The following STIM1 variants were observed in gnomAD, a reference collection of about 807,000 sequenced individuals.
The protein encoded by STIM1 is stromal interaction molecule 1.
A neutral mutation model predicts 74.7 loss-of-function variants in STIM1; 25 were observed. The observed-to-expected ratio is 0.33, with a 90% CI of 0.24 to 0.47. STIM1 has a LOEUF of 0.47. Among genes scored for constraint, STIM1 ranks in the 20% least tolerant of loss-of-function variants. STIM1 has a pLI of 1.00. For missense variants in STIM1, 728 were observed against 920.8 expected (o/e 0.79, Z 2.71); for synonymous variants, 328 against 348.8 (o/e 0.94, Z 0.66).
At chr11:3,987,804 GACACACACACACACACAC>G (rs55772228) in intron 2 of STIM1, among the ~76,000 whole-genome samples, 2 of 145,284 alleles carry the variant, frequency 1.4e-5, no homozygotes, top group Non-Finnish European at 3.0e-5. Flanking sequence ...TGTCCTTAAG[GACACACACACACACACAC>G]ACACACACAC....
chr11:4,091,513 C>G lies in STIM1; in HGVS notation c.1866C>G (p.Asp622Glu), dbSNP rs776241052. ...TACTGGCGCTGAACCATGGGCTGGA[C>G]AAGGCCCACAGCCTGATGGAGCTGA... ...KALLALNHGL[D>E]KAHSLMELSP... Residue 622 changes from aspartate to glutamate, a missense_variant, in exon 13 of 13, where the codon GAC (aspartate) becomes GAG (glutamate). By Grantham distance (45) the Asp-to-Glu change is conservative. Coordinates refer to ENST00000526596, the MANE Select transcript of STIM1 (RefSeq NM_001382567.1). The G allele has an allele frequency of 2.6e-5, 42 of 1,614,220 alleles. No homozygotes were observed. The highest frequency in any genetic ancestry group is 3.6e-5 in the Non-Finnish European group (42 of 1,180,036).
At chr11:3,987,777 C>A (rs1327428097) in intron 2 of STIM1, among the ~76,000 whole-genome samples, 2 of 151,220 alleles carry the variant, frequency 1.3e-5, no homozygotes, top group Non-Finnish European at 2.9e-5. Flanking sequence ...TAGTACAATA[C>A]TCTTAATAGG....
chr11:4,069,055 G>C (rs2094386875), intron 5 of STIM1, among the ~76,000 whole-genome samples: 1 of 152,070 alleles, frequency 6.6e-6, no homozygotes, highest in African/African-American at 2.4e-5. Context: ...CACATCCAGG[G>C]CTCCTCTGAG....
intron 1 of STIM1, among the ~76,000 whole-genome samples, chr11:3,949,136 A>G (rs1432217657): frequency 6.6e-6 from 1 of 152,210 alleles, no homozygotes; most frequent in Non-Finnish European, 1.5e-5. Context: ...CAGGGACTAT[A>G]AGAGCACAGA....
chr11:4,005,884 A>C (rs1195514051), intron 2 of STIM1, among the ~76,000 whole-genome samples: 1 of 152,198 alleles, frequency 6.6e-6, no homozygotes, highest in Non-Finnish European at 1.5e-5. Context: ...TCACTCATGA[A>C]ACGTACATGT....
chr11:3,947,269 T>G (rs904531893), intron 1 of STIM1: 2 of 152,224 alleles, frequency 1.3e-5, no homozygotes, highest in Non-Finnish European at 2.9e-5. Flanking sequence ...GGTTTTGCAC[T>G]TAGTGACAGG....
intron 1 of STIM1, among the ~76,000 whole-genome samples, chr11:3,930,105 A>T (rs2092839797): frequency 6.6e-6 from 1 of 152,202 alleles, no homozygotes; most frequent in Non-Finnish European, 1.5e-5. Flanking sequence ...GTCAAGTGGA[A>T]ATGCTTAGCA....
In STIM1 at chr11:4,041,412, TGA is replaced by T. The variant is rs984804139; in HGVS notation, c.386-14113_386-14112del. ...AATGAATGGCGATAATAATTATAGA[TGA>T]TTTTTTTTACACTTATAGTATGCTA... On this transcript the variant is annotated intron_variant, in intron 3 of 12. Transcript: ENST00000526596. 5.3e-5 allele frequency among the ~76,000 whole-genome samples: 8 copies of T among 152,300 alleles called. No homozygotes were observed. In the East Asian group the frequency reaches 1.5e-3, roughly 29 times the overall value.
chr11:4,035,851 C>CT (rs35310625), intron 3 of STIM1, among the ~76,000 whole-genome samples: 2,055 of 123,244 alleles, frequency 0.017, 45 homozygotes, highest in African/African-American at 0.06. Flanking sequence ...TGTTGTTTTG[C>CT]TTTTTTTTTT....
rs1359343090 is a variant in STIM1 at position 3,993,058 on chromosome 11, CT to C, written c.270+25382del. ...TATTCTCAATGTAGCAGCTAGAGAG[CT>C]TTTTTGAAAAAAAAAAAAAAATGTA... On this transcript the variant is annotated intron_variant, in intron 2 of 12. Transcript: ENST00000526596. Among the ~76,000 whole-genome samples, 1,157 of 136,390 alleles carry C rather than the reference CT, an allele frequency of 8.5e-3. 12 individuals carry two copies. The highest frequency in any genetic ancestry group is 0.028 in the African/African-American group (1,085 of 38,712). The allele number at this position is 136,390 out of a possible 152,430, so 89.5% of individuals were successfully genotyped here. A position where few individuals can be genotyped will look rare whatever the true frequency, so the allele number is the denominator to read the frequency against.
intron 1 of STIM1, among the ~76,000 whole-genome samples, chr11:3,935,932 G>A (rs1241128504): frequency 6.6e-6 from 1 of 152,024 alleles, no homozygotes; most frequent in Non-Finnish European, 1.5e-5. Flanking sequence ...ACTTTTTGAG[G>A]TATTTACAAT....
At chr11:3,949,638 C>T (rs1157518082) in intron 1 of STIM1, among the ~76,000 whole-genome samples, 6 of 152,272 alleles carry the variant, frequency 3.9e-5, no homozygotes, top group Non-Finnish European at 2.9e-5. Flanking sequence ...TTAGGCATCA[C>T]TGTTAAGGGA....
At chr11:3,894,283 C>G (rs1420992862) in intron 1 of STIM1, among the ~76,000 whole-genome samples, 1 of 152,052 alleles carries the variant, frequency 6.6e-6, no homozygotes, top group Non-Finnish European at 1.5e-5. Context: ...CTTTCTCAAC[C>G]CAACAGTTAA....
intron 1 of STIM1, among the ~76,000 whole-genome samples, chr11:3,966,428 A>G (rs1382258846): frequency 6.6e-6 from 1 of 152,180 alleles, no homozygotes; most frequent in Non-Finnish European, 1.5e-5. Context: ...GATTAAATGG[A>G]TTAGGGTATT....
Position 4,091,996 on chromosome 11 carries a change from C to T in STIM1, c.*198C>T. On this transcript the variant is annotated 3_prime_UTR_variant, in exon 13 of 13. Transcript: ENST00000526596. ...TTTATTAACTGACCACCATGGCCTG[C>T]CTGCCCTGCCTCCGTCCCAACCATG... 2 of 719,496 alleles carry T rather than the reference C, an allele frequency of 2.8e-6. No individual in the cohort carries two copies. The allele number at this position is 719,496 out of a possible 1,614,324, so 44.6% of individuals were successfully genotyped here.
chr11:3,989,406 CCT>C, intron 2 of STIM1: 1 of 750,440 alleles, frequency 1.3e-6, no homozygotes, highest in South Asian at 1.3e-5. Context: ...GCGCCGATCT[CCT>C]CTTGGGCTCT....
intron 5 of STIM1, among the ~76,000 whole-genome samples, chr11:4,062,004 G>A (rs375201278): frequency 5.9e-5 from 9 of 152,020 alleles, no homozygotes; most frequent in African/African-American, 1.7e-4. Context: ...GGGAGAAACC[G>A]CTTACTGGTA....
Position 3,932,014 on chromosome 11 carries a change from G to A in STIM1, c.140-35538G>A, listed in dbSNP as rs566059135. 1.1e-4 allele frequency among the ~76,000 whole-genome samples: 17 copies of A among 152,254 alleles called. No individual in the cohort carries two copies. In the South Asian group the frequency reaches 3.3e-3, roughly 30 times the overall value. On this transcript the variant is annotated intron_variant, in intron 1 of 12. Transcript: ENST00000526596. Reference sequence around the variant, plus strand: ...TTGCACGCTGTTTACAAGCGGTTGCGATTTTCCTGCCCGGCCTGTTGCTCC... The same window carrying A: ...TTGCACGCTGTTTACAAGCGGTTGCAATTTTCCTGCCCGGCCTGTTGCTCC...
At position 4,080,663 on chromosome 11, in the gene STIM1, G is replaced by A. The variant is rs142699163; in HGVS notation, c.970-1521G>A. Among the ~76,000 whole-genome samples the A allele has an allele frequency of 2.5e-3, 385 of 152,014 alleles. 1 individual carries two copies. Among genetic ancestry groups the A allele is most frequent in the African/African-American group, 8.6e-3 (355 of 41,470 alleles). ...ACAATTTTTTGTAAGATGAGGTCTCGCTGTGTTGCTCAGGCTGCTCTCGAA... is the reference window on the plus strand; with the variant it reads ...ACAATTTTTTGTAAGATGAGGTCTCACTGTGTTGCTCAGGCTGCTCTCGAA... On this transcript the variant is annotated intron_variant, in intron 7 of 12. Transcript: ENST00000526596.
Sources: gnomAD v4.1 joint callset for allele counts (sites outside exome capture counted in the v4.1 genomes callset) on GRCh38, gnomAD v4.1.1 for gene constraint, MANE v1.5 for transcripts, NCBI Gene and HGNC (gene_info 2026-07-23, HGNC 2026-07-21) for gene names.